The following ADAMTSL2 variants were observed in gnomAD, a reference collection of about 807,000 sequenced individuals.
The protein encoded by ADAMTSL2 is ADAMTS-like protein 2.
In ADAMTSL2, 55 loss-of-function variants were observed where a neutral mutation model predicts 117.0. The ratio of observed to expected loss-of-function variants is 0.47; its 90% CI spans 0.38 to 0.59. ADAMTSL2 has a LOEUF of 0.59. Ranked by LOEUF, ADAMTSL2 falls within the 20% of genes least tolerant of loss-of-function variation. The probability of loss-of-function intolerance (pLI) is 0.00; values close to 1 mark genes in which losing one functional copy is unlikely to be tolerated. For missense variants in ADAMTSL2, 1,182 were observed against 1,354.5 expected, an observed-to-expected ratio of 0.87 and a Z score of 2.00; for synonymous variants, 572 against 566.4, an observed-to-expected ratio of 1.01 and a Z score of -0.14.
Position 133,574,985 on chromosome 9 carries a change from T to C in ADAMTSL2, c.*121T>C. On this transcript the variant is annotated 3_prime_UTR_variant, in exon 19 of 19. Transcript: ENST00000651351. ...CACGCTGGCCTAAGAGACGTGGCAC[T>C]GAGCCTCGGCTGTCGAGAGGGGACT... 2 of 770,196 alleles carry C rather than the reference T, an allele frequency of 2.6e-6. No homozygotes were observed. Among genetic ancestry groups the C allele is most frequent in the South Asian group, 2.9e-5 (2 of 68,604 alleles). The allele number at this position is 770,196 out of a possible 1,614,324, so 47.7% of individuals were successfully genotyped here. A position where few individuals can be genotyped will look rare whatever the true frequency, so the allele number is the denominator to read the frequency against.
rs376405326 is a variant in ADAMTSL2, at chr9:133,573,785, C to A, written c.2593-58C>A. 9 of 1,609,368 alleles carry A rather than the reference C, an allele frequency of 5.6e-6. No homozygotes were observed. The East Asian group carries it at 1.3e-4, about 24-fold the overall frequency. The stretch of plus-strand genomic sequence containing the variant: ...GAGTGTGCAGGTTCCCCGCCCCCTG[C>A]CCAGGCCCCTGCCCCATCAGGAGGC... On this transcript the variant is annotated intron_variant, in intron 17 of 18. Coordinates refer to ENST00000651351, the MANE Select transcript of ADAMTSL2 (RefSeq NM_014694.4).
chr9:133,573,352 C>A (rs975590663), intron 17 of ADAMTSL2, among the ~76,000 whole-genome samples: 1 of 152,168 alleles, frequency 6.6e-6, no homozygotes, highest in Non-Finnish European at 1.5e-5. Flanking sequence ...GGTGACTTCG[C>A]GAGATGCATT....
intron 8 of ADAMTSL2, among the ~76,000 whole-genome samples, chr9:133,545,598 C>T (rs887696101): frequency 3.3e-5 from 5 of 152,198 alleles, no homozygotes; most frequent in South Asian, 2.1e-4. Context: ...CTGGCCCGAG[C>T]GGGGAGCCGG....
At chr9:133,560,255 G>A (rs1287013733) in intron 11 of ADAMTSL2, among the ~76,000 whole-genome samples, 2 of 152,212 alleles carry the variant, frequency 1.3e-5, no homozygotes, top group Non-Finnish European at 2.9e-5. Flanking sequence ...GAGGAAAGTG[G>A]AGTTGGGCAA....
rs761212473 is a variant in ADAMTSL2 at position 133,537,418 on chromosome 9, C to T, written c.104C>T (p.Thr35Ile). ...CCTCTCACCCAGGACAACAGCCCAA[C>T]ATCCAATAGCCTGGAGGGGGGCACC... is the stretch of plus-strand genomic sequence containing the variant. ...VSTGSTDNSP[T>I]SNSLEGGTDA... Residue 35 changes from threonine (T) to isoleucine (I), a missense_variant, in exon 3 of 19, where the codon ACA becomes ATA. Thr to Ile is a moderately conservative substitution (Grantham distance 89). This residue lies in a region of ADAMTSL2 where 372 missense variants were observed against 463.4 expected (regional missense o/e 0.80). Transcript: ENST00000651351. The T allele has an allele frequency of 4.5e-6, 6 of 1,342,200 alleles. No homozygotes were observed. Among genetic ancestry groups the T allele is most frequent in the Non-Finnish European group, 5.8e-6 (6 of 1,037,828 alleles). The allele number at this position is 1,342,200 out of a possible 1,614,324, so 83.1% of individuals were successfully genotyped here. A position where few individuals can be genotyped will look rare whatever the true frequency, so the allele number is the denominator to read the frequency against.
intron 9 of ADAMTSL2, among the ~76,000 whole-genome samples, chr9:133,553,937 G>T (rs1291774709): frequency 1.3e-5 from 2 of 152,254 alleles, no homozygotes; most frequent in Non-Finnish European, 2.9e-5. Flanking sequence ...TGGGGCTCTG[G>T]GTTGGAGGGT....
Position 133,534,926 on chromosome 9 carries a change from C to T in ADAMTSL2, c.-151+9C>T, listed in dbSNP as rs1830015122. On this transcript the variant is annotated intron_variant, in intron 1 of 18. Coordinates refer to ENST00000651351, the MANE Select transcript of ADAMTSL2 (RefSeq NM_014694.4). ...TGCTGACCCGAAGCCAGGTAGGCCA[C>T]CTCGTCCCCGTCCCCCTCACGTTGC... The T allele has an allele frequency of 7.2e-7, 1 of 1,386,326 alleles. No individual in the cohort carries two copies. Among genetic ancestry groups the T allele is most frequent in the Non-Finnish European group, 9.4e-7 (1 of 1,064,014 alleles). The allele number at this position is 1,386,326 out of a possible 1,614,324, so 85.9% of individuals were successfully genotyped here. A position where few individuals can be genotyped will look rare whatever the true frequency, so the allele number is the denominator to read the frequency against.
intron 17 of ADAMTSL2, among the ~76,000 whole-genome samples, chr9:133,572,961 C>T (rs903137839): frequency 3.9e-5 from 6 of 152,202 alleles, no homozygotes; most frequent in East Asian, 1.9e-4. Context: ...GTCCTCACGC[C>T]GTCAGCGCCA....
chr9:133,566,899 G>A (rs1437952603), intron 12 of ADAMTSL2, 37 bp from the exon 13 acceptor site: 18 of 1,590,024 alleles, frequency 1.1e-5, no homozygotes, highest in East Asian at 6.9e-5. Flanking sequence ...CCAAGGTGCC[G>A]GCATGGCTCA....
chr9:133,566,449 A>G (rs1830975539), intron 12 of ADAMTSL2, among the ~76,000 whole-genome samples: 1 of 152,272 alleles, frequency 6.6e-6, no homozygotes, highest in East Asian at 1.9e-4. Flanking sequence ...TCAAAAAAAG[A>G]AAGTTCAAGA....
In ADAMTSL2 at chr9:133,554,105, T is replaced by A. The variant is rs1030746060; in HGVS notation, c.940-252T>A. Among the ~76,000 whole-genome samples the A allele has an allele frequency of 1.8e-4, 28 of 152,238 alleles. No homozygotes were observed. Among genetic ancestry groups the A allele is most frequent in the Admixed American group, 1.3e-4 (2 of 15,292 alleles). On this transcript the variant is annotated intron_variant, in intron 9 of 18. Transcript: ENST00000651351. This position sits in a 1 kb window ranked among gnomAD's most constrained non-coding sequence, Gnocchi z 5.2. ...TGCCTGGAAGACTGTGACGCCTTGT[T>A]GCCTGTACCCAGGGTGGGCCACTCC...
chr9:133,566,882 C>T (rs1417611200), intron 12 of ADAMTSL2, 54 bp from the exon 13 acceptor site: 2 of 1,576,956 alleles, frequency 1.3e-6, no homozygotes, highest in Admixed American at 3.6e-5. Flanking sequence ...GGCCTGTCTG[C>T]TGGGCTCCAA....
chr9:133,534,898 A>G lies in ADAMTSL2; in HGVS notation c.-170A>G, dbSNP rs1391367625. 7 of 1,421,658 alleles carry G rather than the reference A, an allele frequency of 4.9e-6. No individual in the cohort carries two copies. Among genetic ancestry groups the G allele is most frequent in the African/African-American group, 3.0e-5 (2 of 66,986 alleles). 88.1% of individuals were successfully genotyped at this position (1,421,658 alleles called of 1,614,324 possible). A position where few individuals can be genotyped will look rare whatever the true frequency, so the allele number is the denominator to read the frequency against. ...GCTCGCCCCTTTCTCTGGGAGGACA[A>G]CCTGCTGACCCGAAGCCAGGTAGGC... On this transcript the variant is annotated 5_prime_UTR_variant, in exon 1 of 19. Transcript: ENST00000651351.
chr9:133,547,284 G>C (rs1044880816), intron 9 of ADAMTSL2, 71 bp downstream of exon 9: 1 of 1,512,044 alleles, frequency 6.6e-7, no homozygotes, highest in Non-Finnish European at 9.0e-7. Flanking sequence ...AGCCACAGGT[G>C]AGGTCTTCCA....
chr9:133,539,719 C>T, intron 4 of ADAMTSL2, 52 bp from the exon 5 acceptor site: 2 of 784,008 alleles, frequency 2.6e-6, no homozygotes, highest in Non-Finnish European at 1.7e-6. Context: ...GACAAAAATG[C>T]CTTTGTCGGG....
upstream of ADAMTSL2, among the ~76,000 whole-genome samples, chr9:133,533,401 T>C (rs1829981658): frequency 6.6e-6 from 1 of 152,100 alleles, no homozygotes; most frequent in Admixed American, 6.6e-5. Flanking sequence ...GGAGAGAAAC[T>C]TAAACAACCC....
At position 133,570,350 on chromosome 9, in the gene ADAMTSL2, G is replaced by C. The variant is rs1831075491; in HGVS notation, c.2435G>C (p.Arg812Pro). The C allele has an allele frequency of 6.5e-7, 1 of 1,548,288 alleles. No individual in the cohort carries two copies. Among genetic ancestry groups the C allele is most frequent in the South Asian group, 1.2e-5 (1 of 84,174 alleles). ...CCTCAGTGCAACACCACCTGCGGGC[G>C]CGGGGTCAAGAAGCGGCTGGTGCTC... ...DWERCNTTCG[R>P]GVKKRLVLCM... The change falls in exon 17 of 19, where the codon CGC (arginine) becomes CCC (proline). Residue 812 changes from arginine (R) to proline (P), a missense_variant. Arg to Pro is a moderately radical substitution (Grantham distance 103). Coordinates refer to ENST00000651351, the MANE Select transcript of ADAMTSL2 (RefSeq NM_014694.4).
chr9:133,573,867 G>T lies in ADAMTSL2; in HGVS notation c.2617G>T (p.Val873Leu). 3.7e-6 allele frequency: 6 copies of T among 1,614,110 alleles called. No homozygotes were observed. The highest frequency in any genetic ancestry group is 5.1e-6 in the Non-Finnish European group (6 of 1,180,016). The change falls in exon 18 of 19, where the codon GTG becomes TTG. Residue 873 changes from valine (V) to leucine (L), a missense_variant. Physicochemically the swap from Val to Leu is conservative, Grantham distance 32 (BLOSUM62 1). Around this residue, in one of 3 missense-constraint regions of ADAMTSL2, gnomAD observed 465 missense variants for 565.3 expected, o/e 0.82. Coordinates refer to ENST00000651351, the MANE Select transcript of ADAMTSL2 (RefSeq NM_014694.4). ...SECTKTCGVG[V>L]RMRDVKCYQG... ...GTGCACCAAGACCTGCGGGGTGGGC[G>T]TGAGGATGCGAGACGTCAAGTGCTA...
intron 12 of ADAMTSL2, among the ~76,000 whole-genome samples, chr9:133,566,402 T>C (rs1485903294): frequency 2.6e-5 from 4 of 152,100 alleles, no homozygotes; most frequent in African/African-American, 9.7e-5. Context: ...GATTGCACCA[T>C]TGCACTACAG....
Sources: allele counts gnomAD v4.1 joint callset (sites outside exome capture counted in the v4.1 genomes callset), GRCh38; gene constraint gnomAD v4.1.1; regional missense constraint gnomAD v4.1.1; non-coding constraint Gnocchi (gnomAD v3.1); transcripts MANE v1.5; gene names NCBI Gene and HGNC (gene_info 2026-07-23, HGNC 2026-07-21).